Variants in R3HDM1 observed in about 807,000 individuals in gnomAD.
The protein encoded by R3HDM1 is R3H domain-containing protein 1.
Under a neutral mutation model 141.1 loss-of-function variants are expected in R3HDM1, and 46 were observed. The ratio of observed to expected loss-of-function variants is 0.33; its 90% confidence interval spans 0.26 to 0.42. R3HDM1 has a LOEUF of 0.42. Ranked by LOEUF, R3HDM1 falls within the 10% of genes least tolerant of loss-of-function variation. The pLI is 1.00. For synonymous variants in R3HDM1, 435 were observed against 472.9 expected, an observed-to-expected ratio of 0.92 and a Z score of 1.04; for missense variants, 1,184 against 1,368.3, an observed-to-expected ratio of 0.87 and a Z score of 2.12.
At chr2:135,712,782 G>A (rs1198535392) in intron 23 of R3HDM1, among the ~76,000 whole-genome samples, 2 of 151,824 alleles carry the variant, frequency 1.3e-5, no homozygotes, top group Non-Finnish European at 2.9e-5. Context: ...TTAGCTGGGC[G>A]TGGTGGTGGG....
chr2:135,593,647 T>C (rs761044238), intron 1 of R3HDM1, among the ~76,000 whole-genome samples: 87 of 152,310 alleles, frequency 5.7e-4, no homozygotes, highest in South Asian at 4.1e-4. Flanking sequence ...TGCCAAAGGT[T>C]GTATCTCTTA....
At chr2:135,639,205 C>T in intron 14 of R3HDM1, 83 bp downstream of exon 14, 4 of 1,288,886 alleles carry the variant, frequency 3.1e-6, no homozygotes, top group Non-Finnish European at 4.4e-6. Flanking sequence ...CAGATGGCTT[C>T]TAATTATCCT....
intron 15 of R3HDM1, 141 bp downstream of exon 15, chr2:135,641,931 C>T (rs902453868): frequency 4.5e-6 from 5 of 1,103,810 alleles, no homozygotes; most frequent in Non-Finnish European, 6.1e-6. Flanking sequence ...AACAAAAACA[C>T]TTAATGCTAG....
chr2:135,651,053 T>C (rs1414576464), intron 17 of R3HDM1: 2 of 985,280 alleles, frequency 2.0e-6, no homozygotes, highest in African/African-American at 1.7e-5. Flanking sequence ...ACATAAATCA[T>C]AACCCTTGTC....
At chr2:135,590,212 A>G (rs1405161023) in intron 1 of R3HDM1, among the ~76,000 whole-genome samples, 2 of 152,184 alleles carry the variant, frequency 1.3e-5, no homozygotes, top group Admixed American at 6.5e-5. Context: ...TAGTACCTCT[A>G]CAATAGCAGA....
At chr2:135,533,619 C>T (rs964969626) in intron 1 of R3HDM1, among the ~76,000 whole-genome samples, 3 of 152,214 alleles carry the variant, frequency 2.0e-5, no homozygotes, top group Admixed American at 2.0e-4. Context: ...GTTGGCGCAC[C>T]TGTAATCCCA....
rs2063710289 is a variant in R3HDM1, at chr2:135,640,721, A to G, written c.1220-815A>G. Among the ~76,000 whole-genome samples, 3 of 152,294 alleles carry G rather than the reference A, an allele frequency of 2.0e-5. No individual in the cohort carries two copies. The South Asian group carries it at 6.2e-4, about 32-fold the overall frequency. The stretch of plus-strand genomic sequence containing the variant: ...ATCCCAGAGTCAATTCTCTTATTCA[A>G]AACCTAATTAACTATATACATAAGA... On this transcript the variant is annotated intron_variant, in intron 14 of 26. Transcript: ENST00000683871.
intron 1 of R3HDM1, chr2:135,533,999 C>G: frequency 1.0e-6 from 1 of 985,310 alleles, no homozygotes; most frequent in South Asian, 4.7e-5. Context: ...GTTTGTTGTT[C>G]ATATGCTGAG....
At chr2:135,707,395 C>G (rs10197046) in intron 21 of R3HDM1, among the ~76,000 whole-genome samples, 1 of 152,102 alleles carries the variant, frequency 6.6e-6, no homozygotes, top group African/African-American at 2.4e-5. Flanking sequence ...ATTATCTATA[C>G]GTCTCTCAGA....
In R3HDM1 at chr2:135,597,383, A is replaced by G. The variant is rs959158079; in HGVS notation, c.-249-5117A>G. The G allele has an allele frequency of 1.5e-5, 10 of 654,172 alleles. No homozygotes were observed. In the African/African-American group the frequency reaches 2.0e-4, roughly 13 times the overall value. 40.5% of individuals were successfully genotyped at this position (654,172 alleles called of 1,614,324 possible). ...GTAACTGTTTACAAATCACATGCAC[A>G]TTTAACATTTTGAAATGTCAGTGCT... On this transcript the variant is annotated intron_variant, in intron 1 of 26. Transcript: ENST00000683871.
intron 23 of R3HDM1, among the ~76,000 whole-genome samples, chr2:135,712,939 T>TA (rs111337027): frequency 1.5e-4 from 23 of 149,184 alleles, no homozygotes; most frequent in African/African-American, 4.4e-4. Flanking sequence ...TAAATAAAAA[T>TA]AAAAAAAATC....
intron 6 of R3HDM1, chr2:135,622,343 A>G (rs1309138096): frequency 3.0e-6 from 3 of 984,502 alleles, no homozygotes; most frequent in Non-Finnish European, 1.2e-6. Flanking sequence ...CATTTTGAAC[A>G]TGAGGTTGTG....
intron 24 of R3HDM1, 49 bp from the exon 25 acceptor site, chr2:135,721,875 A>G: frequency 1.3e-6 from 2 of 1,527,798 alleles, no homozygotes; most frequent in Non-Finnish European, 1.8e-6. Flanking sequence ...GGCATGAACC[A>G]CCGTGCCCGG....
At chr2:135,694,410 G>A (rs1404837520) in intron 21 of R3HDM1, among the ~76,000 whole-genome samples, 1 of 152,216 alleles carries the variant, frequency 6.6e-6, no homozygotes, top group Non-Finnish European at 1.5e-5. Flanking sequence ...GGGACAATAT[G>A]AGGGATATTG....
rs1023187533 is a variant in R3HDM1, at chr2:135,587,014, G to A, written c.-249-15486G>A. The A allele has an allele frequency of 9.8e-5, 96 of 978,812 alleles. No individual in the cohort carries two copies. The Middle Eastern group carries it at 1.6e-3, about 16-fold the overall frequency. The allele number at this position is 978,812 out of a possible 1,614,324, so 60.6% of individuals were successfully genotyped here. A position where few individuals can be genotyped will look rare whatever the true frequency, so the allele number is the denominator to read the frequency against. On this transcript the variant is annotated intron_variant, in intron 1 of 26. Transcript: ENST00000683871. ...GGTAACGGTTTTCTACCCTTTTGGG[G>A]GAAGAGGTAGAATAATTTTTAAAGT...
intron 7 of R3HDM1, 58 bp from the exon 8 acceptor site, chr2:135,631,660 A>G (rs2062731031): frequency 1.4e-6 from 2 of 1,402,646 alleles, no homozygotes; most frequent in Non-Finnish European, 1.9e-6. Flanking sequence ...GGCTGTTGAC[A>G]TTTGTGATTA....
chr2:135,535,737 A>G (rs1695955246), intron 1 of R3HDM1, among the ~76,000 whole-genome samples: 1 of 152,168 alleles, frequency 6.6e-6, no homozygotes, highest in South Asian at 2.1e-4. Flanking sequence ...CAAATAAGGA[A>G]GTTATATAAT....
intron 1 of R3HDM1, among the ~76,000 whole-genome samples, chr2:135,598,620 T>G (rs1260709846): frequency 6.6e-6 from 1 of 151,522 alleles, no homozygotes; most frequent in Non-Finnish European, 1.5e-5. Flanking sequence ...ACAAATTACT[T>G]GATTTTTCTA....
At chr2:135,705,911 C>T (rs980234219) in intron 21 of R3HDM1, among the ~76,000 whole-genome samples, 8 of 152,048 alleles carry the variant, frequency 5.3e-5, no homozygotes, top group Non-Finnish European at 8.8e-5. Flanking sequence ...TGGCGGATCA[C>T]GAGGTCAGGA....
Sources: gnomAD v4.1 joint callset for allele counts (sites outside exome capture counted in the v4.1 genomes callset) on GRCh38, gnomAD v4.1.1 for gene constraint, MANE v1.5 for transcripts, NCBI Gene and HGNC (gene_info 2026-07-23, HGNC 2026-07-21) for gene names.